Variants in PRR5L observed in about 807,000 individuals in gnomAD.
PRR5L encodes the protein proline rich 5 like, also known as proline-rich protein 5-like.
A neutral mutation model predicts 36.4 loss-of-function variants in PRR5L; 21 were observed. That is an observed-to-expected ratio of 0.58 (90% CI 0.41 to 0.83). The LOEUF is 0.83. Among genes scored for constraint, PRR5L ranks in the 40% least tolerant of loss-of-function variants. The pLI is 0.00. For missense variants in PRR5L, 381 were observed against 473.3 expected (o/e 0.80, Z 1.81); for synonymous variants, 188 against 197.0 (o/e 0.95, Z 0.38).
intron 1 of PRR5L, among the ~76,000 whole-genome samples, chr11:36,340,878 C>T (rs925693489): frequency 1.7e-4 from 26 of 152,152 alleles, no homozygotes; most frequent in African/African-American, 6.3e-4. Flanking sequence ...CAAAGGATCC[C>T]AGCTGAACAC....
intron 1 of PRR5L, chr11:36,376,571 T>G: frequency 1.0e-6 from 1 of 993,160 alleles, no homozygotes; most frequent in Non-Finnish European, 1.2e-6. Flanking sequence ...ACCATCCAGG[T>G]CGCTCATTTC....
At chr11:36,457,105 C>T (rs1271152264) in intron 8 of PRR5L, among the ~76,000 whole-genome samples, 2 of 152,184 alleles carry the variant, frequency 1.3e-5, no homozygotes, top group Non-Finnish European at 2.9e-5. Context: ...CTGGGACCTG[C>T]GGAAATCATC....
chr11:36,301,010 G>C (rs928504827), intron 1 of PRR5L: 4 of 152,278 alleles, frequency 2.6e-5, no homozygotes, highest in Non-Finnish European at 5.9e-5. Context: ...GGAAAGGGCA[G>C]GTCATTGAAT....
chr11:36,371,252 C>A (rs1418235867), intron 1 of PRR5L, among the ~76,000 whole-genome samples: 1 of 152,202 alleles, frequency 6.6e-6, no homozygotes, highest in African/African-American at 2.4e-5. Context: ...AGAAGGAGGG[C>A]AAACTTTTAT....
At chr11:36,446,477 G>A in intron 7 of PRR5L, 37 bp downstream of exon 7, 1 of 1,607,570 alleles carries the variant, frequency 6.2e-7, no homozygotes, top group South Asian at 1.1e-5. Flanking sequence ...AAGGCAGAGG[G>A]AGGGAGCGAG....
chr11:36,322,008 T>A (rs1248605981), intron 1 of PRR5L, among the ~76,000 whole-genome samples: 2 of 152,220 alleles, frequency 1.3e-5, no homozygotes, highest in Non-Finnish European at 2.9e-5. Context: ...AATATGGTCA[T>A]CTCTGAGGTT....
At chr11:36,324,154 T>C (rs2133466438) in intron 1 of PRR5L, among the ~76,000 whole-genome samples, 1 of 152,320 alleles carries the variant, frequency 6.6e-6, no homozygotes, top group African/African-American at 2.4e-5. Flanking sequence ...AATGCCTCAG[T>C]AACAAGATAA....
At position 36,462,566 on chromosome 11, in the gene PRR5L, G is replaced by T. The variant is rs564232729; in HGVS notation, c.937G>T (p.Gly313Trp). 4.3e-6 allele frequency: 7 copies of T among 1,612,924 alleles called. No homozygotes were observed. In the South Asian group the frequency reaches 7.7e-5, roughly 18 times the overall value. The change falls in exon 9 of 9, where the codon GGG (glycine) becomes TGG (tryptophan). Residue 313 changes from glycine to tryptophan, a missense_variant. Physicochemically the swap from Gly to Trp is radical, Grantham distance 184. Coordinates refer to ENST00000530639, the MANE Select transcript of PRR5L (RefSeq NM_001160167.2). Reference protein sequence around the residue: ...AMATMMHSGLGEEASSENKCL... With the variant: ...AMATMMHSGLWEEASSENKCL... The stretch of plus-strand genomic sequence containing the variant: ...GGCCACCATGATGCACTCGGGCCTG[G>T]GGGAGGAGGCCAGCAGTGAGAACAA...
Position 36,350,944 on chromosome 11 carries a change from A to ATATTTATATATATT in PRR5L, c.-125-50050_-125-50049insTTATATATATTTAT, listed in dbSNP as rs1554986952. Among the ~76,000 whole-genome samples, 154 of 57,126 alleles carry ATATTTATATATATT rather than the reference A, an allele frequency of 2.7e-3. 22 individuals carry two copies. The highest frequency in any genetic ancestry group is 4.8e-3 in the African/African-American group (51 of 10,616). 37.5% of individuals were successfully genotyped at this position (57,126 alleles called of 152,430 possible). A position where few individuals can be genotyped will look rare whatever the true frequency, so the allele number is the denominator to read the frequency against. ...TTTATATATATTTATATATTTATAT[A>ATATTTATATATATT]TATATATTTATATATATTTATATAT... On this transcript the variant is annotated intron_variant, in intron 1 of 8. Transcript: ENST00000530639.
chr11:36,437,278 C>G (rs1158620211), intron 5 of PRR5L, 107 bp from the exon 6 acceptor site: 1 of 824,504 alleles, frequency 1.2e-6, no homozygotes, highest in African/African-American at 1.7e-5. Context: ...AGTTTTTTAG[C>G]ATGTGCAGCT....
chr11:36,381,258 C>G (rs887162112), intron 1 of PRR5L, among the ~76,000 whole-genome samples: 1 of 152,182 alleles, frequency 6.6e-6, no homozygotes, highest in Non-Finnish European at 1.5e-5. Context: ...CTTTTTGACA[C>G]AGGATGTGTC....
At chr11:36,408,825 C>T (rs555539444) in intron 3 of PRR5L, among the ~76,000 whole-genome samples, 2 of 152,312 alleles carry the variant, frequency 1.3e-5, no homozygotes, top group East Asian at 3.9e-4. Flanking sequence ...CTGATGTTTG[C>T]TGGTTCTTTG....
intron 1 of PRR5L, among the ~76,000 whole-genome samples, chr11:36,322,326 G>C (rs1590440042): frequency 6.6e-6 from 1 of 151,898 alleles, no homozygotes; most frequent in Admixed American, 6.6e-5. Context: ...CTTTTTTAAA[G>C]TATCTCAGTA....
At chr11:36,348,537 C>G (rs2133486038) in intron 1 of PRR5L, among the ~76,000 whole-genome samples, 1 of 152,238 alleles carries the variant, frequency 6.6e-6, no homozygotes, top group African/African-American at 2.4e-5. Flanking sequence ...TCTGCCTTGC[C>G]CATTTGGGCT....
intron 1 of PRR5L, among the ~76,000 whole-genome samples, chr11:36,389,810 G>T (rs1190941768): frequency 6.6e-6 from 1 of 151,942 alleles, no homozygotes. Flanking sequence ...CGGGGGTTTC[G>T]CCATGTTGGC....
At chr11:36,402,285 C>G (rs528704339) in intron 2 of PRR5L, among the ~76,000 whole-genome samples, 13 of 152,192 alleles carry the variant, frequency 8.5e-5, no homozygotes, top group Admixed American at 7.9e-4. Context: ...GCTCTGTTAC[C>G]CAGGCTGGAG....
intron 4 of PRR5L, among the ~76,000 whole-genome samples, chr11:36,423,712 C>G (rs894541003): frequency 6.6e-6 from 1 of 152,278 alleles, no homozygotes; most frequent in South Asian, 2.1e-4. Flanking sequence ...CACAGGGGGG[C>G]TTTGAACAAG....
chr11:36,360,118 T>A (rs1295806775), intron 1 of PRR5L, among the ~76,000 whole-genome samples: 2 of 151,734 alleles, frequency 1.3e-5, no homozygotes, highest in Non-Finnish European at 2.9e-5. Flanking sequence ...AGAAAACTTA[T>A]GTTCTTTATT....
intron 6 of PRR5L, among the ~76,000 whole-genome samples, chr11:36,444,827 C>G (rs1858794207): frequency 6.6e-6 from 1 of 152,148 alleles, no homozygotes; most frequent in Admixed American, 6.5e-5. Flanking sequence ...TGTTTATGTC[C>G]CCTCTGCTTC....
Sources: gnomAD v4.1 joint callset for allele counts (sites outside exome capture counted in the v4.1 genomes callset) on GRCh38, gnomAD v4.1.1 for gene constraint, MANE v1.5 for transcripts, NCBI Gene and HGNC (gene_info 2026-07-23, HGNC 2026-07-21) for gene names.